Variants in CCDC91 observed in about 807,000 individuals in gnomAD.
The protein encoded by CCDC91 is coiled-coil domain containing 91.
In CCDC91, 48 loss-of-function variants were observed where a neutral mutation model predicts 63.2. That is an observed-to-expected ratio of 0.76 (90% CI 0.60 to 0.97). CCDC91 has a LOEUF of 0.97. CCDC91 is among the 50% of genes least tolerant of loss of function. CCDC91 has a pLI of 0.00. For synonymous variants in CCDC91, 167 were observed against 165.8 expected, an observed-to-expected ratio of 1.01 and a Z score of -0.06; for missense variants, 500 against 494.6, an observed-to-expected ratio of 1.01 and a Z score of -0.10.
intron 1 of CCDC91, among the ~76,000 whole-genome samples, chr12:28,249,210 C>T (rs1353921858): frequency 6.6e-6 from 1 of 152,140 alleles, no homozygotes; most frequent in Non-Finnish European, 1.5e-5. Context: ...TGTTGGGCAG[C>T]ACTGTGAATC....
chr12:28,432,290 T>C (rs1181427302), intron 8 of CCDC91, among the ~76,000 whole-genome samples: 1 of 152,090 alleles, frequency 6.6e-6, no homozygotes, highest in Non-Finnish European at 1.5e-5. Context: ...CACCCAAATC[T>C]CATCTCGAAT....
At chr12:28,252,254 T>C (rs11049484) in intron 1 of CCDC91, among the ~76,000 whole-genome samples, 1 of 151,926 alleles carries the variant, frequency 6.6e-6, no homozygotes, top group Non-Finnish European at 1.5e-5. Context: ...GGGTTTTTTT[T>C]CTTCTTTTTT....
At chr12:28,327,530 A>G (rs908709390) in intron 6 of CCDC91, among the ~76,000 whole-genome samples, 22 of 152,074 alleles carry the variant, frequency 1.4e-4, no homozygotes, top group Non-Finnish European at 7.4e-5. Context: ...GCCCTATGTA[A>G]ATCAGACACC....
intron 6 of CCDC91, among the ~76,000 whole-genome samples, chr12:28,349,618 C>G (rs1039841408): frequency 2.0e-5 from 3 of 152,062 alleles, no homozygotes; most frequent in African/African-American, 7.2e-5. Context: ...GTCTTTCTTG[C>G]TTGGTTTGAT....
intron 1 of CCDC91, among the ~76,000 whole-genome samples, chr12:28,210,647 C>T (rs565412362): frequency 6.6e-6 from 1 of 152,154 alleles, no homozygotes; most frequent in African/African-American, 2.4e-5. Flanking sequence ...GCATAGGACT[C>T]TTTAATAAAA....
intron 6 of CCDC91, among the ~76,000 whole-genome samples, chr12:28,358,666 A>G (rs1217383046): frequency 1.3e-5 from 2 of 152,236 alleles, no homozygotes; most frequent in South Asian, 2.1e-4. Flanking sequence ...TGAACAATAA[A>G]TGTAATACAT....
At chr12:28,273,487 C>G (rs970544658) in intron 3 of CCDC91, among the ~76,000 whole-genome samples, 1 of 152,126 alleles carries the variant, frequency 6.6e-6, no homozygotes, top group African/African-American at 2.4e-5. Flanking sequence ...TTCTCCACAT[C>G]CTCTCCAGCA....
chr12:28,448,947 T>C (rs1949668265), intron 8 of CCDC91, among the ~76,000 whole-genome samples: 1 of 152,088 alleles, frequency 6.6e-6, no homozygotes, highest in African/African-American at 2.4e-5. Context: ...ATCTCAGTTA[T>C]TAATACTTAT....
intron 12 of CCDC91, among the ~76,000 whole-genome samples, chr12:28,522,710 T>C (rs1383503845): frequency 6.6e-6 from 1 of 152,006 alleles, no homozygotes; most frequent in Non-Finnish European, 1.5e-5. Flanking sequence ...TGTGGGCATT[T>C]AGTGCTATAA....
intron 11 of CCDC91, among the ~76,000 whole-genome samples, chr12:28,476,846 A>T (rs140714712): frequency 2.6e-5 from 4 of 152,198 alleles, no homozygotes; most frequent in Admixed American, 6.5e-5. Context: ...AAACACCTCT[A>T]TGCAAATAAA....
chr12:28,405,022 T>C (rs1565921018), intron 8 of CCDC91, among the ~76,000 whole-genome samples: 1 of 152,120 alleles, frequency 6.6e-6, no homozygotes, highest in Non-Finnish European at 1.5e-5. Context: ...TTGATAGAGT[T>C]GGATTCATTT....
At chr12:28,487,870 T>C (rs1951805666) in intron 12 of CCDC91, among the ~76,000 whole-genome samples, 1 of 151,850 alleles carries the variant, frequency 6.6e-6, no homozygotes, top group African/African-American at 2.4e-5. Context: ...CATCATACTT[T>C]TACCAAATTC....
At chr12:28,259,135 T>A (rs1946649997) in intron 2 of CCDC91, among the ~76,000 whole-genome samples, 1 of 152,000 alleles carries the variant, frequency 6.6e-6, no homozygotes, top group African/African-American at 2.4e-5. Context: ...AGTAGAGTTA[T>A]CTGAATAAGG....
intron 3 of CCDC91, among the ~76,000 whole-genome samples, chr12:28,267,673 A>ATG (rs1430941127): frequency 0.038 from 601 of 15,616 alleles, 15 homozygotes; most frequent in South Asian, 0.36. Flanking sequence ...TATTAATTAT[A>ATG]TTATATGTTA....
At chr12:28,480,408 G>T (rs1951381636) in intron 11 of CCDC91, among the ~76,000 whole-genome samples, 1 of 151,894 alleles carries the variant, frequency 6.6e-6, no homozygotes, top group Non-Finnish European at 1.5e-5. Context: ...TTCAGTTTCT[G>T]TGCATTTATA....
rs189479036 is a variant in CCDC91, at chr12:28,350,682, C to T, written c.577-11756C>T. On this transcript the variant is annotated intron_variant, in intron 6 of 12. Transcript: ENST00000536442. ...GATTAGAAGTTTGAAATTAATGTGT[C>T]AGCAGGGCCACACTCCCTCTGAACT... Among the ~76,000 whole-genome samples, 3 of 152,264 alleles carry T rather than the reference C, an allele frequency of 2.0e-5. No individual in the cohort carries two copies. The East Asian group carries it at 5.8e-4, about 29-fold the overall frequency.
intron 12 of CCDC91, among the ~76,000 whole-genome samples, chr12:28,528,801 G>A (rs1002995715): frequency 3.3e-5 from 5 of 152,024 alleles, no homozygotes; most frequent in Non-Finnish European, 7.4e-5. Context: ...GGCGATCTTA[G>A]CTCACTCGAG....
chr12:28,223,203 G>A (rs1055685520), intron 1 of CCDC91, among the ~76,000 whole-genome samples: 11 of 152,110 alleles, frequency 7.2e-5, no homozygotes, highest in African/African-American at 2.2e-4. Flanking sequence ...ATGTTTCTGG[G>A]TTTTATGGTG....
At chr12:28,455,976 G>GT (rs1950040652) in intron 11 of CCDC91, among the ~76,000 whole-genome samples, 1 of 152,058 alleles carries the variant, frequency 6.6e-6, no homozygotes, top group Admixed American at 6.6e-5. Context: ...AATTCAGGCA[G>GT]TTTAACTCCT....
Sources: gnomAD v4.1 joint callset for allele counts (sites outside exome capture counted in the v4.1 genomes callset) on GRCh38, gnomAD v4.1.1 for gene constraint, MANE v1.5 for transcripts, NCBI Gene and HGNC (gene_info 2026-07-23, HGNC 2026-07-21) for gene names.